The following APTX variants were observed in gnomAD, a reference collection of about 807,000 sequenced individuals.
APTX encodes the protein forkhead-associated domain histidine triad-like protein.
APTX carries 33 observed loss-of-function variants against 42.3 expected under a neutral mutation model. The ratio of observed to expected loss-of-function variants is 0.78; its 90% CI spans 0.59 to 1.04. The LOEUF (loss-of-function observed/expected upper bound fraction) is 1.04. Among genes scored for constraint, APTX ranks in the 50% least tolerant of loss-of-function variants. APTX has a pLI of 0.00. For missense variants in APTX, 421 were observed against 415.1 expected (o/e 1.01, Z -0.12); for synonymous variants, 130 against 146.7 (o/e 0.89, Z 0.82).
At chr9:33,004,433 T>C (rs896614597), upstream of APTX, among the ~76,000 whole-genome samples, 1 of 152,242 alleles carries the variant, frequency 6.6e-6, no homozygotes, top group African/African-American at 2.4e-5. Context: ...AATTTGTTTT[T>C]AATGTGAAAC....
At chr9:33,010,331 T>C (rs145327166) in intron 1 of APTX, among the ~76,000 whole-genome samples, 36 of 152,304 alleles carry the variant, frequency 2.4e-4, no homozygotes, top group Middle Eastern at 3.4e-3. Flanking sequence ...TAGCTCTCCA[T>C]TGGCTGGCGC....
chr9:32,987,261 A>T (rs1485433054), intron 4 of APTX, among the ~76,000 whole-genome samples: 1 of 152,238 alleles, frequency 6.6e-6, no homozygotes, highest in African/African-American at 2.4e-5. Context: ...TGATCTATGA[A>T]AACCTTCTAT....
At chr9:33,017,721 G>C (rs10971325) in intron 1 of APTX, among the ~76,000 whole-genome samples, 1 of 152,058 alleles carries the variant, frequency 6.6e-6, no homozygotes, top group Non-Finnish European at 1.5e-5. Flanking sequence ...GGCCCTCTCC[G>C]GGAGCTCAAT....
intron 1 of APTX, among the ~76,000 whole-genome samples, chr9:33,008,782 C>A (rs1837335627): frequency 6.6e-6 from 1 of 152,194 alleles, no homozygotes; most frequent in Admixed American, 6.5e-5. Context: ...GAACTCCTGA[C>A]CTCAGGTGAC....
chr9:32,996,531 C>T (rs1834984695), intron 1 of APTX, among the ~76,000 whole-genome samples: 1 of 152,100 alleles, frequency 6.6e-6, no homozygotes, highest in African/African-American at 2.4e-5. Flanking sequence ...TCTTGACCTC[C>T]CAAAGTGCAC....
intron 1 of APTX, among the ~76,000 whole-genome samples, chr9:32,996,327 G>A (rs1377325925): frequency 1.3e-5 from 2 of 151,532 alleles, no homozygotes; most frequent in African/African-American, 2.4e-5. Flanking sequence ...CCCAGATTGG[G>A]TGCAGGGCGT....
At chr9:32,986,247 C>T (rs1005433540) in intron 4 of APTX, 20 of 676,786 alleles carry the variant, frequency 3.0e-5, no homozygotes, top group Middle Eastern at 3.5e-4. Context: ...AAGTCTCACT[C>T]TGTCTCACCC....
At chr9:33,023,719 T>G (rs1406982018) in intron 1 of APTX, among the ~76,000 whole-genome samples, 2 of 152,180 alleles carry the variant, frequency 1.3e-5, no homozygotes, top group Non-Finnish European at 1.5e-5. Flanking sequence ...TATGGGAAAC[T>G]GCGGATAGTT....
At chr9:33,001,760 C>T (rs1170478338), upstream of APTX, 34 of 950,840 alleles carry the variant, frequency 3.6e-5, no homozygotes, top group East Asian at 8.4e-4. Context: ...TCTCTCTGGG[C>T]CGTGGTCCAA....
intron 5 of APTX, among the ~76,000 whole-genome samples, chr9:32,985,290 G>A (rs1186743977): frequency 6.7e-6 from 1 of 149,770 alleles, no homozygotes; most frequent in Non-Finnish European, 1.5e-5. Context: ...GAATATAATT[G>A]AAGTGGGACT....
At chr9:32,982,444 TAC>T (rs774219208) in intron 6 of APTX, among the ~76,000 whole-genome samples, 1 of 152,368 alleles carries the variant, frequency 6.6e-6, no homozygotes, top group South Asian at 2.1e-4. Flanking sequence ...TTTAGTTATC[TAC>T]AGTTAGTATT....
chr9:33,003,109 C>G (rs1305373752), upstream of APTX, among the ~76,000 whole-genome samples: 3 of 152,210 alleles, frequency 2.0e-5, no homozygotes, highest in Non-Finnish European at 2.9e-5. Context: ...AATTAAGCAT[C>G]CCTCTCGGTT....
rs536851515 is a variant in APTX at position 33,010,242 on chromosome 9, G to C, written c.-5+14781C>G. 2.7e-4 allele frequency among the ~76,000 whole-genome samples: 41 copies of C among 152,274 alleles called. 1 individual carries two copies. The South Asian group carries it at 8.5e-3, about 32-fold the overall frequency. On this transcript the variant is annotated intron_variant, in intron 1 of 6. Coordinates refer to the APTX transcript ENST00000436040. ...TTACTAGTCAACTGGGAGAGACATG[G>C]CTATAGGAGCCCACACGGATACCCA...
At chr9:33,003,506 C>T (rs1263998339), upstream of APTX, among the ~76,000 whole-genome samples, 1 of 152,132 alleles carries the variant, frequency 6.6e-6, no homozygotes, top group African/African-American at 2.4e-5. Flanking sequence ...GCGGAACTCG[C>T]CTGTAGTCCC....
chr9:33,002,476 T>C (rs1378349895), upstream of APTX, among the ~76,000 whole-genome samples: 1 of 152,198 alleles, frequency 6.6e-6, no homozygotes, highest in Non-Finnish European at 1.5e-5. Flanking sequence ...TATTCTCCAC[T>C]ATCCCCCAGA....
At chr9:33,014,272 C>T (rs565337476) in intron 1 of APTX, among the ~76,000 whole-genome samples, 17 of 152,310 alleles carry the variant, frequency 1.1e-4, no homozygotes, top group Admixed American at 5.9e-4. Flanking sequence ...CTTGATGAAC[C>T]ACCACTACCA....
chr9:33,024,865 G>GT lies in APTX; in HGVS notation c.-5+157_-5+158insA, dbSNP rs1554677501. Reference sequence around the variant, plus strand: ...AAGAGAAGAGGCGCCCGTAAGAGGGGGGGGGGGGGGGGCAAGACTGTTCCA... The same window carrying GT: ...AAGAGAAGAGGCGCCCGTAAGAGGGGTGGGGGGGGGGGGCAAGACTGTTCCA... On this transcript the variant is annotated intron_variant, in intron 1 of 6. Transcript: ENST00000436040. The GT allele has an allele frequency of 4.3e-5, 2 of 46,176 alleles. 1 individual carries two copies. The highest frequency in any genetic ancestry group is 4.0e-4 in the Admixed American group (2 of 5,042). The allele number at this position is 46,176 out of a possible 1,614,324, so 2.9% of individuals were successfully genotyped here.
In APTX at chr9:32,997,830, T is replaced by C. The variant is rs147802173; in HGVS notation, c.-5+3737A>G. ...GACAATGAATGTTTGCTGAATGAAT[T>C]AGAGAAAAGAATGGATGAATGCATG... is the stretch of plus-strand genomic sequence containing the variant. On this transcript the variant is annotated intron_variant, in intron 1 of 7. Coordinates refer to ENST00000379817, the MANE Select transcript of APTX (RefSeq NM_001195248.2). Among the ~76,000 whole-genome samples, 313 of 152,250 alleles carry C rather than the reference T, an allele frequency of 2.1e-3. 2 individuals carry two copies. Among genetic ancestry groups the C allele is most frequent in the African/African-American group, 7.3e-3 (304 of 41,528 alleles).
intron 6 of APTX, among the ~76,000 whole-genome samples, chr9:32,980,805 G>T (rs764931253): frequency 2.6e-5 from 4 of 152,222 alleles, no homozygotes; most frequent in Non-Finnish European, 4.4e-5. Context: ...CTGAGATAAA[G>T]AAGGTTAGGT....
Sources: allele counts gnomAD v4.1 joint callset (sites outside exome capture counted in the v4.1 genomes callset), GRCh38; gene constraint gnomAD v4.1.1; transcripts MANE v1.5; gene names NCBI Gene and HGNC (gene_info 2026-07-23, HGNC 2026-07-21).